The following AKAP12 variants were observed in gnomAD, a reference collection of about 807,000 sequenced individuals.
AKAP12 encodes A-kinase anchoring protein 12.
In AKAP12, 32 loss-of-function variants were observed where a neutral mutation model predicts 79.9. That is an observed-to-expected ratio of 0.40 (90% CI 0.30 to 0.54). The LOEUF (loss-of-function observed/expected upper bound fraction) is 0.54, where lower values mean the gene tolerates loss of function less well. AKAP12 is among the 20% of genes least tolerant of loss of function. The pLI, the probability that AKAP12 is intolerant of heterozygous loss-of-function variation, is 0.48. For missense variants in AKAP12, 2,074 were observed against 2,177.0 expected (o/e 0.95, Z 0.94); for synonymous variants, 808 against 857.0 (o/e 0.94, Z 1.00).
In AKAP12 at chr6:151,344,715, G is replaced by A. The variant is rs186896418; in HGVS notation, c.320-3996G>A. Among the ~76,000 whole-genome samples the A allele has an allele frequency of 2.4e-3, 364 of 152,140 alleles. 7 individuals are homozygous for A. In the East Asian group the frequency reaches 0.03, roughly 13 times the overall value. ...CGCCTGGCTGGTTTTTGTATTTTTA[G>A]TAGAGACGGGGTTTCACCATGTTGG... On this transcript the variant is annotated intron_variant, in intron 3 of 4. Coordinates refer to ENST00000402676, the MANE Select transcript of AKAP12 (RefSeq NM_005100.4).
At chr6:151,307,237 A>G (rs1242158856) in intron 3 of AKAP12, among the ~76,000 whole-genome samples, 1 of 152,262 alleles carries the variant, frequency 6.6e-6, no homozygotes, top group African/African-American at 2.4e-5. Context: ...ATCACCTTTA[A>G]TAGTTACAGC....
intron 2 of AKAP12, among the ~76,000 whole-genome samples, chr6:151,271,804 C>CAT (rs1776188200): frequency 6.6e-6 from 1 of 152,002 alleles, no homozygotes; most frequent in Non-Finnish European, 1.5e-5. Flanking sequence ...TGATTACAGG[C>CAT]GCTTGCCACC....
chr6:151,324,127 T>C, intron 3 of AKAP12: 1 of 985,364 alleles, frequency 1.0e-6, no homozygotes, highest in Non-Finnish European at 1.2e-6. Flanking sequence ...ACCAGCCTCA[T>C]TATTAAAATT....
chr6:151,350,334 G>C lies in AKAP12; in HGVS notation c.1943G>C (p.Ser648Thr). 6.2e-7 allele frequency: 1 copy of C among 1,613,900 alleles called. No individual in the cohort carries two copies. The highest frequency in any genetic ancestry group is 1.1e-5 in the South Asian group (1 of 91,052). The part of the protein sequence containing the change: ...VKSATLSSTE[S>T]TASEMQEEMK... ...AGCGCTACCTTGTCTTCCACCGAGA[G>C]CACAGCCTCTGAAATGCAAGAAGAA... Residue 648 changes from serine (S) to threonine (T), a missense_variant, in exon 4 of 5, where the codon AGC becomes ACC. Coordinates refer to ENST00000402676, the MANE Select transcript of AKAP12 (RefSeq NM_005100.4). The surrounding 1 kb of genome is among the most constrained non-coding windows in gnomAD (Gnocchi z 4.8).
intron 2 of AKAP12, among the ~76,000 whole-genome samples, chr6:151,277,281 AGT>A (rs1216003066): frequency 6.6e-6 from 1 of 152,218 alleles, no homozygotes; most frequent in Non-Finnish European, 1.5e-5. Flanking sequence ...GGGATGCTTT[AGT>A]AAGCAATATG....
intron 2 of AKAP12, among the ~76,000 whole-genome samples, chr6:151,247,794 T>TG (rs2114679345): frequency 6.6e-6 from 1 of 152,304 alleles, no homozygotes; most frequent in East Asian, 1.9e-4. Flanking sequence ...CTCTGTTAAC[T>TG]GGATGGTATA....
chr6:151,259,466 A>G (rs1361097330), intron 2 of AKAP12, among the ~76,000 whole-genome samples: 1 of 103,632 alleles, frequency 9.6e-6, no homozygotes, highest in African/African-American at 4.8e-5. Context: ...ACACATATAT[A>G]CATGTATATA....
intron 2 of AKAP12, among the ~76,000 whole-genome samples, chr6:151,242,213 T>C (rs1051915891): frequency 2.0e-5 from 3 of 152,184 alleles, no homozygotes; most frequent in Non-Finnish European, 4.4e-5. Context: ...TGCAGTTGGG[T>C]GACATTCCCC....
chr6:151,241,046 C>T (rs1397870979), intron 2 of AKAP12, among the ~76,000 whole-genome samples: 1 of 152,192 alleles, frequency 6.6e-6, no homozygotes, highest in Non-Finnish European at 1.5e-5. Context: ...CGGTGGGAGC[C>T]ATGCAGCCCG....
chr6:151,296,728 G>C (rs955293999), intron 2 of AKAP12, among the ~76,000 whole-genome samples: 1 of 152,194 alleles, frequency 6.6e-6, no homozygotes, highest in East Asian at 1.9e-4. Flanking sequence ...AGTGAGCCGA[G>C]ATCACGCCAC....
intron 2 of AKAP12, among the ~76,000 whole-genome samples, chr6:151,260,703 T>C (rs1797409810): frequency 6.6e-6 from 1 of 152,094 alleles, no homozygotes; most frequent in South Asian, 2.1e-4. Flanking sequence ...TGCACATTTT[T>C]CTCTTTATTT....
rs117865161 is a variant in AKAP12 at position 151,313,459 on chromosome 6, G to A, written c.319+7556G>A. ...CTATGCTATGCGATTTCTGGGAACT[G>A]GTTTTAATTCATTCTCCTGCTCTGC... is the stretch of plus-strand genomic sequence containing the variant. On this transcript the variant is annotated intron_variant, in intron 3 of 4. Coordinates refer to ENST00000402676, the MANE Select transcript of AKAP12 (RefSeq NM_005100.4). Among the ~76,000 whole-genome samples, 124 of 152,320 alleles carry A rather than the reference G, an allele frequency of 8.1e-4. 1 individual carries two copies. In the East Asian group the frequency reaches 0.022, roughly 27 times the overall value.
At chr6:151,276,862 C>A (rs2114718796) in intron 2 of AKAP12, among the ~76,000 whole-genome samples, 1 of 152,262 alleles carries the variant, frequency 6.6e-6, no homozygotes, top group African/African-American at 2.4e-5. Context: ...AGTAAGAATA[C>A]AAGGGGACTT....
At chr6:151,253,251 C>T (rs377267179) in intron 2 of AKAP12, among the ~76,000 whole-genome samples, 14 of 151,988 alleles carry the variant, frequency 9.2e-5, no homozygotes, top group African/African-American at 3.4e-4. Context: ...CAGTTTTTAA[C>T]CTCTTTATGT....
chr6:151,300,072 G>C (rs958796747), intron 2 of AKAP12, among the ~76,000 whole-genome samples: 2 of 152,010 alleles, frequency 1.3e-5, no homozygotes, highest in Non-Finnish European at 2.9e-5. Context: ...TTACTGATTT[G>C]TACTCTGGTT....
intron 2 of AKAP12, among the ~76,000 whole-genome samples, chr6:151,278,421 G>A (rs1776328012): frequency 6.6e-6 from 1 of 151,932 alleles, no homozygotes; most frequent in South Asian, 2.1e-4. Context: ...TTGCCATGTT[G>A]GCCAGACTGG....
At chr6:151,321,379 T>C (rs544512483) in intron 3 of AKAP12, among the ~76,000 whole-genome samples, 3 of 152,310 alleles carry the variant, frequency 2.0e-5, no homozygotes, top group African/African-American at 7.2e-5. Flanking sequence ...AACCACTAAC[T>C]ACTTTATGTC....
chr6:151,288,003 G>A lies in AKAP12; in HGVS notation c.163-17744G>A, dbSNP rs1776539378. ...ACCACATGTTCTCACTCATACGTAG[G>A]AGTTGAACAAGGAGAACACCTGGAC... On this transcript the variant is annotated intron_variant, in intron 2 of 4. Transcript: ENST00000402676. Among the ~76,000 whole-genome samples the A allele has an allele frequency of 2.6e-5, 4 of 151,628 alleles. No homozygotes were observed. The South Asian group carries it at 8.4e-4, about 32-fold the overall frequency.
chr6:151,279,905 A>T (rs138638382), intron 2 of AKAP12, among the ~76,000 whole-genome samples: 2 of 152,144 alleles, frequency 1.3e-5, no homozygotes, highest in East Asian at 3.8e-4. Flanking sequence ...TTAAATAAAT[A>T]TCTTTTTTTA....
Sources: allele counts gnomAD v4.1 joint callset (sites outside exome capture counted in the v4.1 genomes callset), GRCh38; gene constraint gnomAD v4.1.1; non-coding constraint Gnocchi (gnomAD v3.1); transcripts MANE v1.5; gene names NCBI Gene and HGNC (gene_info 2026-07-23, HGNC 2026-07-21).